Variants in SYCP1 observed in about 807,000 individuals in gnomAD.
SYCP1 encodes the protein cancer/testis antigen 8.
SYCP1 carries 64 observed loss-of-function variants against 153.1 expected under a neutral mutation model. That is an observed-to-expected ratio of 0.42 (90% confidence interval 0.34 to 0.51). The LOEUF (loss-of-function observed/expected upper bound fraction) is 0.51, where lower values mean the gene tolerates loss of function less well. Ranked by LOEUF, SYCP1 falls within the 20% of genes least tolerant of loss-of-function variation. The pLI, the probability that SYCP1 is intolerant of heterozygous loss-of-function variation, is 0.06. For missense variants in SYCP1, 997 were observed against 1,049.0 expected (o/e 0.95, Z 0.68); for synonymous variants, 384 against 341.8 (o/e 1.12, Z -1.36).
intron 23 of SYCP1, among the ~76,000 whole-genome samples, chr1:114,940,595 C>T (rs999893290): frequency 4.6e-5 from 7 of 152,124 alleles, no homozygotes; most frequent in Non-Finnish European, 1.0e-4. Context: ...GTTTTTGTTA[C>T]TGATTTCTAG....
In SYCP1 at chr1:114,976,187, G is replaced by A. The variant is rs116818930; in HGVS notation, c.2323-1370G>A. 6.6e-3 allele frequency among the ~76,000 whole-genome samples: 1,004 copies of A among 151,898 alleles called. 15 individuals carry two copies. Among genetic ancestry groups the A allele is most frequent in the African/African-American group, 0.023 (941 of 41,522 alleles). Reference sequence around the variant, plus strand: ...AGTATGTATTTGTGATATTATTTCAGAACTTTTCCACTAGAGTACCAGGCT... The same window carrying A: ...AGTATGTATTTGTGATATTATTTCAAAACTTTTCCACTAGAGTACCAGGCT... On this transcript the variant is annotated intron_variant, in intron 27 of 31. Transcript: ENST00000369522.
intron 16 of SYCP1, among the ~76,000 whole-genome samples, chr1:114,897,611 A>G (rs1420209382): frequency 1.3e-5 from 2 of 152,202 alleles, no homozygotes; most frequent in African/African-American, 2.4e-5. Flanking sequence ...GGAATCTCCC[A>G]TAGTACAGAG....
At chr1:114,939,616 T>C (rs1670253747) in intron 23 of SYCP1, among the ~76,000 whole-genome samples, 1 of 152,198 alleles carries the variant, frequency 6.6e-6, no homozygotes, top group African/African-American at 2.4e-5. Context: ...GAAAGAACAA[T>C]GGTTGCCTCA....
At chr1:114,958,808 T>TA (rs1671602438) in intron 27 of SYCP1, among the ~76,000 whole-genome samples, 1 of 147,756 alleles carries the variant, frequency 6.8e-6, no homozygotes, top group Admixed American at 6.8e-5. Flanking sequence ...TGGGTGCCCG[T>TA]AGTCCCAGCT....
intron 8 of SYCP1, among the ~76,000 whole-genome samples, chr1:114,874,194 AT>A (rs1665359459): frequency 6.6e-6 from 1 of 152,022 alleles, no homozygotes; most frequent in Non-Finnish European, 1.5e-5. Context: ...TGTCTCTCCA[AT>A]TTTGGGGTAG....
In SYCP1 at chr1:114,887,615, T is replaced by C. The variant is rs184827605; in HGVS notation, c.1191-11T>C. 1,615 of 1,514,800 alleles carry C rather than the reference T, an allele frequency of 1.1e-3. 17 individuals carry two copies. The highest frequency in any genetic ancestry group is 3.2e-4 in the Non-Finnish European group (361 of 1,113,254). 93.8% of individuals were successfully genotyped at this position (1,514,800 alleles called of 1,614,324 possible). ...ATAATATTTTGTATTGAAAATGATATATTTTACAAGATTGGAAAAAAATGA... is the reference window on the plus strand; with the variant it reads ...ATAATATTTTGTATTGAAAATGATACATTTTACAAGATTGGAAAAAAATGA... On this transcript the variant is annotated splice_polypyrimidine_tract_variant and intron_variant, in intron 14 of 31. Transcript: ENST00000369522.
At chr1:114,915,203 A>G (rs1668443885) in intron 20 of SYCP1, among the ~76,000 whole-genome samples, 1 of 152,238 alleles carries the variant, frequency 6.6e-6, no homozygotes, top group Non-Finnish European at 1.5e-5. Context: ...AGCAGCATCA[A>G]TGGCTGGCTC....
intron 12 of SYCP1, among the ~76,000 whole-genome samples, chr1:114,881,419 G>A (rs1179706461): frequency 6.6e-6 from 1 of 152,004 alleles, no homozygotes; most frequent in Non-Finnish European, 1.5e-5. Context: ...ATCCATAAAG[G>A]ATATGTTTGC....
In SYCP1 at chr1:114,876,938, A is replaced by G. The variant is rs1570680639; in HGVS notation, c.801+128A>G. 1.0e-5 allele frequency: 4 copies of G among 395,068 alleles called. No homozygotes were observed. The East Asian group carries it at 1.9e-4, about 19-fold the overall frequency. The allele number at this position is 395,068 out of a possible 1,614,324, so 24.5% of individuals were successfully genotyped here. ...CTATGAGAGAATTTTAATATTATAC[A>G]TATATTAATATTTAGCCTTTAGACT... On this transcript the variant is annotated intron_variant, in intron 11 of 31. Transcript: ENST00000369522.
intron 30 of SYCP1, among the ~76,000 whole-genome samples, chr1:114,991,644 G>A (rs1673928489): frequency 6.6e-6 from 1 of 151,606 alleles, no homozygotes; most frequent in Non-Finnish European, 1.5e-5. Flanking sequence ...AGGAATAGAG[G>A]GAAATCTCCT....
chr1:114,994,570 C>T (rs1674146801), intron 30 of SYCP1, 128 bp from the exon 31 acceptor site: 5 of 569,848 alleles, frequency 8.8e-6, no homozygotes, highest in Non-Finnish European at 1.4e-5. Context: ...TCCCTTTGCC[C>T]TTCTCCCTTC....
chr1:114,879,986 A>G (rs1388968857), intron 12 of SYCP1, among the ~76,000 whole-genome samples: 1 of 152,110 alleles, frequency 6.6e-6, no homozygotes, highest in Non-Finnish European at 1.5e-5. Context: ...CCTCTTTTAA[A>G]AATCTCATTT....
chr1:114,965,638 G>C lies in SYCP1; in HGVS notation c.2323-11919G>C, dbSNP rs376455805. On this transcript the variant is annotated intron_variant, in intron 27 of 31. Coordinates refer to ENST00000369522, the MANE Select transcript of SYCP1 (RefSeq NM_003176.4). ...AATCATGTGGCTTTTACATGGTTCT[G>C]TTTATGTGATGGATTATGTTTATTG... 1.0e-3 allele frequency among the ~76,000 whole-genome samples: 156 copies of C among 152,318 alleles called. 5 individuals are homozygous for C. The South Asian group carries it at 0.032, about 31-fold the overall frequency.
At chr1:114,923,900 G>A (rs1669078646) in intron 21 of SYCP1, among the ~76,000 whole-genome samples, 1 of 152,116 alleles carries the variant, frequency 6.6e-6, no homozygotes, top group Non-Finnish European at 1.5e-5. Context: ...ATAATAAGGT[G>A]TTTAGGGAAG....
At chr1:114,941,087 C>T (rs138172647) in intron 23 of SYCP1, among the ~76,000 whole-genome samples, 85 of 152,154 alleles carry the variant, frequency 5.6e-4, no homozygotes, top group Middle Eastern at 6.8e-3. Context: ...CCAAAATCTG[C>T]GCATACTCAT....
intron 8 of SYCP1, among the ~76,000 whole-genome samples, chr1:114,873,469 G>A (rs1242589295): frequency 1.3e-5 from 2 of 152,184 alleles, no homozygotes; most frequent in Admixed American, 1.3e-4. Context: ...AGAGGGGGAT[G>A]GAGTTGGATA....
chr1:114,868,745 C>T (rs776598801), intron 8 of SYCP1, among the ~76,000 whole-genome samples: 1 of 152,156 alleles, frequency 6.6e-6, no homozygotes, highest in Non-Finnish European at 1.5e-5. Context: ...TAGGCTTATT[C>T]AGATTGCCTG....
At chr1:114,885,844 A>G (rs1666258867) in intron 13 of SYCP1, among the ~76,000 whole-genome samples, 1 of 152,198 alleles carries the variant, frequency 6.6e-6, no homozygotes, top group Admixed American at 6.5e-5. Context: ...AGGTGACAAC[A>G]GGGTGGTTTA....
chr1:114,872,440 A>C (rs1665214724), intron 8 of SYCP1, among the ~76,000 whole-genome samples: 1 of 152,116 alleles, frequency 6.6e-6, no homozygotes, highest in Non-Finnish European at 1.5e-5. Context: ...CTCTGTAGGT[A>C]AAATGTTTTT....
Sources: gnomAD v4.1 joint callset for allele counts (sites outside exome capture counted in the v4.1 genomes callset) on GRCh38, gnomAD v4.1.1 for gene constraint, MANE v1.5 for transcripts, NCBI Gene and HGNC (gene_info 2026-07-23, HGNC 2026-07-21) for gene names.